The following ZC3H13 variants were observed in gnomAD, a reference collection of about 807,000 sequenced individuals.
The protein encoded by ZC3H13 is zinc finger CCCH domain-containing protein 13.
ZC3H13 carries 64 observed loss-of-function variants against 204.1 expected under a neutral mutation model. The observed-to-expected ratio is 0.31, with a 90% CI of 0.26 to 0.39. ZC3H13 has a LOEUF of 0.39. ZC3H13 is among the 10% of genes least tolerant of loss of function. The probability of loss-of-function intolerance (pLI) is 1.00; values close to 1 mark genes in which losing one functional copy is unlikely to be tolerated. For missense variants in ZC3H13, 1,833 were observed against 2,082.7 expected, an observed-to-expected ratio of 0.88 and a Z score of 2.33; for synonymous variants, 667 against 693.7, an observed-to-expected ratio of 0.96 and a Z score of 0.60.
At chr13:45,983,873 C>T (rs1953934989) in intron 10 of ZC3H13, among the ~76,000 whole-genome samples, 2 of 152,142 alleles carry the variant, frequency 1.3e-5, no homozygotes, top group South Asian at 2.1e-4. Flanking sequence ...AATACAGCAA[C>T]ATCATTTAAA....
chr13:45,975,430 C>T lies in ZC3H13; in HGVS notation c.2321G>A (p.Arg774Gln), dbSNP rs1198093582. Reference protein sequence around the residue: ...RERERERERERERARERDKER... With the variant: ...REREREREREQERARERDKER... ...TTTATCCCTTTCTCTCGCTCTTTCT[C>T]GTTCCCGTTCTCGCTCTCGCTCTCT... The change falls in exon 12 of 19, where the codon CGA (arginine) becomes CAA (glutamine). Residue 774 changes from arginine (R) to glutamine (Q), a missense_variant. Transcript: ENST00000679008. 4 of 1,613,958 alleles carry T rather than the reference C, an allele frequency of 2.5e-6. No homozygotes were observed. The highest frequency in any genetic ancestry group is 2.2e-5 in the East Asian group (1 of 44,856).
chr13:46,049,183 T>C (rs1320215439), intron 1 of ZC3H13, among the ~76,000 whole-genome samples: 1 of 152,072 alleles, frequency 6.6e-6, no homozygotes, highest in Non-Finnish European at 1.5e-5. Flanking sequence ...TACTCTACTT[T>C]TTCTCAGACT....
chr13:46,023,091 T>C (rs1358515830), intron 4 of ZC3H13, among the ~76,000 whole-genome samples: 1 of 152,180 alleles, frequency 6.6e-6, no homozygotes, highest in Non-Finnish European at 1.5e-5. Flanking sequence ...AAATAGGAAG[T>C]GTCAAGGCTA....
At position 46,010,407 on chromosome 13, in the gene ZC3H13, T is replaced by C; in HGVS notation, c.687A>G (p.Ser229=). The change falls in exon 7 of 19, where the codon TCA becomes TCG. Residue 229 remains serine (S), a synonymous_variant. Coordinates refer to ENST00000679008, the MANE Select transcript of ZC3H13 (RefSeq NM_001330564.2). ...PKRKSSPKSS[S]ASKKDRKTSA... is the part of the protein sequence containing the mutation. ...ATGTCTTCCTATCTTTCTTGCTAGC[T>C]GAAGACGACTTCGGGCTTGATTTTC... 1 of 1,613,902 alleles carries C rather than the reference T, an allele frequency of 6.2e-7. No individual in the cohort carries two copies. The highest frequency in any genetic ancestry group is 8.5e-7 in the Non-Finnish European group (1 of 1,179,810).
chr13:46,003,567 G>T (rs576219510), intron 7 of ZC3H13, among the ~76,000 whole-genome samples: 56 of 152,124 alleles, frequency 3.7e-4, no homozygotes, highest in African/African-American at 1.3e-3. Flanking sequence ...AAAGGGGCAG[G>T]TTTCTGAGAA....
At chr13:45,976,698 G>A (rs961138304) in intron 11 of ZC3H13, among the ~76,000 whole-genome samples, 2 of 152,102 alleles carry the variant, frequency 1.3e-5, no homozygotes, top group African/African-American at 2.4e-5. Context: ...ATAAAAAAAC[G>A]TTTAAGAGGA....
At position 45,969,336 on chromosome 13, in the gene ZC3H13, C is replaced by T; in HGVS notation, c.3208G>A (p.Glu1070Lys). 1 of 1,613,976 alleles carries T rather than the reference C, an allele frequency of 6.2e-7. No individual in the cohort carries two copies. Among genetic ancestry groups the T allele is most frequent in the South Asian group, 1.1e-5 (1 of 91,076 alleles). ...EDTAFSDWSD[E>K]DVPDRTEVTE... ...ACCTCTGTACGGTCAGGGACATCCT[C>T]ATCAGACCAGTCACTGAATGCTGTA... Residue 1070 changes from glutamate to lysine, a missense_variant, in exon 14 of 19, where the codon GAG (glutamate) becomes AAG (lysine). Coordinates refer to ENST00000679008, the MANE Select transcript of ZC3H13 (RefSeq NM_001330564.2).
chr13:46,040,478 C>T (rs2043501691), intron 4 of ZC3H13, among the ~76,000 whole-genome samples: 1 of 151,958 alleles, frequency 6.6e-6, no homozygotes, highest in Non-Finnish European at 1.5e-5. Context: ...AGAGCTAAAA[C>T]CAGAAAATGC....
At chr13:46,035,297 C>T (rs2139048107) in intron 4 of ZC3H13, among the ~76,000 whole-genome samples, 1 of 152,280 alleles carries the variant, frequency 6.6e-6, no homozygotes, top group Admixed American at 6.5e-5. Flanking sequence ...CTGAGGCCCA[C>T]AGATCAAGAG....
chr13:46,000,458 A>G (rs2040664149), intron 8 of ZC3H13, among the ~76,000 whole-genome samples: 2 of 152,208 alleles, frequency 1.3e-5, no homozygotes, highest in Admixed American at 1.3e-4. Context: ...CATTCGTTAA[A>G]TGTCATGAAG....
intron 8 of ZC3H13, among the ~76,000 whole-genome samples, chr13:45,994,938 T>C (rs1317426837): frequency 6.7e-6 from 1 of 148,612 alleles, no homozygotes; most frequent in Non-Finnish European, 1.5e-5. Flanking sequence ...ATTTTTGAAA[T>C]CCCTGCCAAT....
intron 7 of ZC3H13, among the ~76,000 whole-genome samples, chr13:46,004,823 T>C (rs886957325): frequency 1.3e-5 from 2 of 152,182 alleles, no homozygotes; most frequent in Admixed American, 1.3e-4. Context: ...AATTTTGCCT[T>C]TCACATTTGT....
chr13:46,027,205 A>T (rs1003078101), intron 4 of ZC3H13, among the ~76,000 whole-genome samples: 14 of 152,124 alleles, frequency 9.2e-5, no homozygotes, highest in Non-Finnish European at 4.4e-5. Context: ...CCTGGGCTCA[A>T]GCCATCCTCT....
chr13:45,967,872 G>C lies in ZC3H13; in HGVS notation c.3953C>G (p.Thr1318Arg). 8 of 1,613,682 alleles carry C rather than the reference G, an allele frequency of 5.0e-6. No individual in the cohort carries two copies. The South Asian group carries it at 6.6e-5, about 13-fold the overall frequency. ...DRERERERRDTRQREWDRDAD... is the reference protein window; with the variant it reads ...DRERERERRDRRQREWDRDAD... ...ATCTCGGTCCCATTCTCTCTGCCTC[G>C]TATCTCTCCTCTCTCTCTCGCGCTC... is the stretch of plus-strand genomic sequence containing the variant. The change falls in exon 15 of 19, where the codon ACG (threonine) becomes AGG (arginine). Residue 1318 changes from threonine to arginine, a missense_variant. Thr to Arg is a moderately conservative substitution (Grantham distance 71). Transcript: ENST00000679008.
intron 9 of ZC3H13, among the ~76,000 whole-genome samples, chr13:45,986,477 A>G (rs915839631): frequency 6.6e-6 from 1 of 152,178 alleles, no homozygotes; most frequent in African/African-American, 2.4e-5. Flanking sequence ...AAAAATAAAT[A>G]CTTGCACTTT....
At chr13:45,992,777 C>T (rs1364542249) in intron 8 of ZC3H13, among the ~76,000 whole-genome samples, 2 of 152,160 alleles carry the variant, frequency 1.3e-5, no homozygotes, top group African/African-American at 4.8e-5. Flanking sequence ...ATCTGATCTA[C>T]TGAGGGCCTG....
At chr13:45,976,250 G>A (rs1229233465) in intron 11 of ZC3H13, 1 of 985,142 alleles carries the variant, frequency 1.0e-6, no homozygotes, top group African/African-American at 1.7e-5. Flanking sequence ...GCAGCAGGAG[G>A]TGTAGAACAT....
At chr13:46,050,998 T>C (rs1287575691) in intron 1 of ZC3H13, among the ~76,000 whole-genome samples, 1 of 152,182 alleles carries the variant, frequency 6.6e-6, no homozygotes, top group Non-Finnish European at 1.5e-5. Context: ...CTATATGAGA[T>C]GGAGTTGGGA....
intron 9 of ZC3H13, among the ~76,000 whole-genome samples, chr13:45,986,758 A>C (rs1031423005): frequency 6.6e-6 from 1 of 152,210 alleles, no homozygotes; most frequent in Non-Finnish European, 1.5e-5. Context: ...CCCTAGTCTA[A>C]GGCTATTTTG....
Sources: allele counts gnomAD v4.1 joint callset (sites outside exome capture counted in the v4.1 genomes callset), GRCh38; gene constraint gnomAD v4.1.1; transcripts MANE v1.5; gene names NCBI Gene and HGNC (gene_info 2026-07-23, HGNC 2026-07-21).